The following NPR3 variants were observed in gnomAD, a reference collection of about 807,000 sequenced individuals.
NPR3 encodes natriuretic peptide receptor 3.
NPR3 carries 34 observed loss-of-function variants against 54.5 expected under a neutral mutation model. The observed-to-expected ratio is 0.62, with a 90% CI of 0.47 to 0.83. The LOEUF is 0.83. NPR3 is among the 40% of genes least tolerant of loss of function. The pLI, the probability that NPR3 is intolerant of heterozygous loss-of-function variation, is 0.00. For synonymous variants in NPR3, 289 were observed against 297.1 expected, an observed-to-expected ratio of 0.97 and a Z score of 0.28; for missense variants, 674 against 720.8, an observed-to-expected ratio of 0.94 and a Z score of 0.74.
Position 32,787,427 on chromosome 5 carries a change from A to G in NPR3, c.*1082A>G, listed in dbSNP as rs1428945624. On this transcript the variant is annotated 3_prime_UTR_variant, in exon 8 of 8. Transcript: ENST00000265074. ...GTTTCAAGATCAAGAGTAAAAAGTT[A>G]TTAGAATTAAACAGTTTTATAAAGG... The G allele has an allele frequency of 6.6e-6, 1 of 152,238 alleles. No homozygotes were observed. Among genetic ancestry groups the G allele is most frequent in the African/African-American group, 2.4e-5 (1 of 41,460 alleles). The allele number at this position is 152,238 out of a possible 1,614,324, so 9.4% of individuals were successfully genotyped here.
At chr5:32,702,506 G>A (rs76133170) in intron 1 of NPR3, among the ~76,000 whole-genome samples, 32,627 of 148,588 alleles carry the variant, frequency 0.22, 3,732 homozygotes, top group Middle Eastern at 0.36. Flanking sequence ...GAGAACATGC[G>A]GTGTTTGGTT....
Position 32,711,609 on chromosome 5 carries a change from C to G in NPR3, c.-168C>G. 8.0e-7 allele frequency: 1 copy of G among 1,245,960 alleles called. No homozygotes were observed. The highest frequency in any genetic ancestry group is 1.6e-5 in the African/African-American group (1 of 63,632). 77.2% of individuals were successfully genotyped at this position (1,245,960 alleles called of 1,614,324 possible). A position where few individuals can be genotyped will look rare whatever the true frequency, so the allele number is the denominator to read the frequency against. ...ACTAGTGACATTGCAGAGAAGGACG[C>G]TTCCTCTCTATCTTTTGGCGCATTA... On this transcript the variant is annotated 5_prime_UTR_variant, in exon 1 of 8. Transcript: ENST00000265074.
intron 1 of NPR3, among the ~76,000 whole-genome samples, chr5:32,698,936 G>A (rs78552417): frequency 1.3e-5 from 2 of 152,188 alleles, no homozygotes; most frequent in African/African-American, 2.4e-5. Context: ...GCCAGTTTAT[G>A]TCTTTTGATT....
intron 1 of NPR3, among the ~76,000 whole-genome samples, chr5:32,714,111 C>T (rs1738415139): frequency 6.8e-6 from 1 of 146,012 alleles, no homozygotes; most frequent in African/African-American, 2.5e-5. Context: ...ACCTGCTTCT[C>T]CAGTTCTCGG....
chr5:32,733,064 C>T (rs536836294), intron 2 of NPR3, among the ~76,000 whole-genome samples: 5 of 152,196 alleles, frequency 3.3e-5, no homozygotes, highest in Admixed American at 6.5e-5. Context: ...AGGCTGGTCT[C>T]GAACTCCTGA....
chr5:32,742,986 G>T (rs970199795), intron 3 of NPR3, among the ~76,000 whole-genome samples: 10 of 152,088 alleles, frequency 6.6e-5, no homozygotes, highest in African/African-American at 2.4e-4. Context: ...TCTTTAAAAA[G>T]GTTATGGTCT....
At chr5:32,702,701 G>C (rs111781497) in intron 1 of NPR3, among the ~76,000 whole-genome samples, 4 of 152,004 alleles carry the variant, frequency 2.6e-5, no homozygotes. Context: ...TTGCTATTGT[G>C]AATAGTGCCA....
In NPR3 at chr5:32,724,808, A is replaced by T; in HGVS notation, c.880A>T (p.Ser294Cys). Residue 294 changes from serine (S) to cysteine (C), a missense_variant, in exon 2 of 8, where the codon AGC becomes TGC. Coordinates refer to ENST00000265074, the MANE Select transcript of NPR3 (RefSeq NM_001204375.2). ...YAFFNIELFN[S>C]SSYGDGSWKR... ...CTTCTTCAACATTGAGCTCTTCAAC[A>T]GCTCTTCCTATGGTAACTCTGCTTC... 3 of 1,613,858 alleles carry T rather than the reference A, an allele frequency of 1.9e-6. No individual in the cohort carries two copies. Among genetic ancestry groups the T allele is most frequent in the Non-Finnish European group, 2.5e-6 (3 of 1,179,852 alleles).
At chr5:32,781,404 AATT>A (rs1742332246) in intron 5 of NPR3, among the ~76,000 whole-genome samples, 1 of 152,200 alleles carries the variant, frequency 6.6e-6, no homozygotes. Context: ...ATACATATAC[AATT>A]ATACAAATAT....
chr5:32,757,127 C>A (rs1740889279), intron 3 of NPR3, among the ~76,000 whole-genome samples: 1 of 152,090 alleles, frequency 6.6e-6, no homozygotes, highest in Non-Finnish European at 1.5e-5. Context: ...GTAGTTTTTT[C>A]CAATTCTGTG....
intron 1 of NPR3, among the ~76,000 whole-genome samples, chr5:32,692,740 A>T (rs1263105000): frequency 6.6e-6 from 1 of 152,232 alleles, no homozygotes; most frequent in Non-Finnish European, 1.5e-5. Context: ...TCATTACCTT[A>T]AATTTCTGTT....
intron 7 of NPR3, 51 bp downstream of exon 7, chr5:32,784,934 A>G (rs1173935567): frequency 7.4e-7 from 1 of 1,344,620 alleles, no homozygotes; most frequent in Non-Finnish European, 1.1e-6. Context: ...TGTCTTTGTC[A>G]TTTGATTTTA....
In NPR3 at chr5:32,726,138, T is replaced by C. The variant is rs531279961; in HGVS notation, c.892+1318T>C. Among the ~76,000 whole-genome samples, 10 of 152,330 alleles carry C rather than the reference T, an allele frequency of 6.6e-5. No individual in the cohort carries two copies. The South Asian group carries it at 2.1e-3, about 32-fold the overall frequency. On this transcript the variant is annotated intron_variant, in intron 2 of 7. Coordinates refer to ENST00000265074, the MANE Select transcript of NPR3 (RefSeq NM_001204375.2). The stretch of plus-strand genomic sequence containing the variant: ...GTTGTAGGGGAAGTGTAAGTGTGTA[T>C]ATCACAAATGGCATGTTTATACTGA...
upstream of NPR3, chr5:32,710,464 C>T (rs967910047): frequency 7.6e-5 from 36 of 471,548 alleles, no homozygotes; most frequent in Non-Finnish European, 1.1e-4. Context: ...TGAACCATTC[C>T]CTCGCCTTTG....
In NPR3 at chr5:32,696,411, T is replaced by C. The variant is rs1740533788; in HGVS notation, c.100+7225T>C. 2.6e-5 allele frequency among the ~76,000 whole-genome samples: 4 copies of C among 152,170 alleles called. No individual in the cohort carries two copies. The South Asian group carries it at 8.3e-4, about 32-fold the overall frequency. Reference sequence around the variant, plus strand: ...TTTTGGTTACTATAGCTTTACAGTATAACTTAAAGTCAGGTAATGTGATTC... The same window carrying C: ...TTTTGGTTACTATAGCTTTACAGTACAACTTAAAGTCAGGTAATGTGATTC... On this transcript the variant is annotated intron_variant, in intron 1 of 5. Coordinates refer to the NPR3 transcript ENST00000509104.
chr5:32,765,277 C>G (rs767911876), intron 3 of NPR3, among the ~76,000 whole-genome samples: 1 of 152,130 alleles, frequency 6.6e-6, no homozygotes, highest in Non-Finnish European at 1.5e-5. Flanking sequence ...GTGACAAAGG[C>G]CTCTGAGCAG....
rs187747960 is a variant in NPR3 at position 32,700,119 on chromosome 5, G to A, written c.100+10933G>A. Among the ~76,000 whole-genome samples, 216 of 152,134 alleles carry A rather than the reference G, an allele frequency of 1.4e-3. 2 individuals carry two copies. In the Middle Eastern group the frequency reaches 0.017, roughly 12 times the overall value. ...GTTTCTTTTTCTCTTGCTACTTTTA[G>A]GATCCTTTCTTTAACCTTGACCATT... On this transcript the variant is annotated intron_variant, in intron 1 of 5. Coordinates refer to the NPR3 transcript ENST00000509104.
At chr5:32,735,924 AT>A (rs375538207) in intron 2 of NPR3, among the ~76,000 whole-genome samples, 1 of 151,888 alleles carries the variant, frequency 6.6e-6, no homozygotes, top group Non-Finnish European at 1.5e-5. Context: ...TATTTCCTTC[AT>A]TTTTTCTAGG....
At chr5:32,780,858 G>C (rs771128822) in intron 5 of NPR3, 42 bp downstream of exon 5, 6 of 871,170 alleles carry the variant, frequency 6.9e-6, no homozygotes, top group African/African-American at 6.7e-5. Flanking sequence ...CCTTCTGCTC[G>C]TGGGGACTCT....
Sources: allele counts gnomAD v4.1 joint callset (sites outside exome capture counted in the v4.1 genomes callset), GRCh38; gene constraint gnomAD v4.1.1; transcripts MANE v1.5; gene names NCBI Gene and HGNC (gene_info 2026-07-23, HGNC 2026-07-21).